ZNF680: variants seen among roughly 807,000 people sequenced by gnomAD.
The protein encoded by ZNF680 is hypothetical protein FLJ90430.
Under a neutral mutation model 12.1 loss-of-function variants are expected in ZNF680, and 6 were observed. That is an observed-to-expected ratio of 0.49 (90% CI 0.27 to 0.98). ZNF680 has a LOEUF of 0.98. Among genes scored for constraint, ZNF680 ranks in the 50% least tolerant of loss-of-function variants. ZNF680 has a pLI of 0.12. For synonymous variants in ZNF680, 170 were observed against 199.3 expected, an observed-to-expected ratio of 0.85 and a Z score of 1.24; for missense variants, 561 against 616.3, an observed-to-expected ratio of 0.91 and a Z score of 0.95.
chr7:64,534,994 G>A (rs1427873476), intron 3 of ZNF680, among the ~76,000 whole-genome samples: 1 of 150,594 alleles, frequency 6.6e-6, no homozygotes, highest in African/African-American at 2.4e-5. Flanking sequence ...AATAAACTTT[G>A]GGGACTTGGG....
the ZNF680 span, chr7:64,501,845 C>T: frequency 3.6e-6 from 2 of 552,858 alleles, no homozygotes; most frequent in Non-Finnish European, 3.4e-6. Flanking sequence ...GCTCATTGTC[C>T]TTGTCTTTCC....
intron 1 of ZNF680, among the ~76,000 whole-genome samples, chr7:64,548,023 A>C (rs1786873503): frequency 6.6e-6 from 1 of 152,174 alleles, no homozygotes. Flanking sequence ...GAATCTTAGC[A>C]GAACTGGGGC....
At chr7:64,512,373 A>G in the ZNF680 span, among the ~76,000 whole-genome samples, 3 of 150,916 alleles carry the variant, frequency 2.0e-5, no homozygotes, top group African/African-American at 7.3e-5. Context: ...AAATCGTTTG[A>G]ACCCGGGAGG....
chr7:64,525,898 A>G, intron 3 of ZNF680: 1 of 984,996 alleles, frequency 1.0e-6, no homozygotes, highest in Non-Finnish European at 1.2e-6. Context: ...TAAAAAGAAC[A>G]GGGAAAATAT....
At chr7:64,523,842 G>A (rs950417430) in intron 3 of ZNF680, among the ~76,000 whole-genome samples, 1 of 151,932 alleles carries the variant, frequency 6.6e-6, no homozygotes, top group Non-Finnish European at 1.5e-5. Context: ...GAACCCAAGA[G>A]GCGGAGCTGG....
At chr7:64,519,497 A>G (rs1791426534), downstream of ZNF680, among the ~76,000 whole-genome samples, 1 of 151,768 alleles carries the variant, frequency 6.6e-6, no homozygotes, top group Non-Finnish European at 1.5e-5. Context: ...ATCTATCCAG[A>G]GGAAAAAAAG....
chr7:64,540,028 C>T (rs1786415400), intron 3 of ZNF680, among the ~76,000 whole-genome samples: 1 of 151,932 alleles, frequency 6.6e-6, no homozygotes, highest in African/African-American at 2.4e-5. Context: ...AAAAGAAAAA[C>T]TGAAAAAATA....
the ZNF680 span, among the ~76,000 whole-genome samples, chr7:64,507,649 G>A: frequency 4.2e-4 from 63 of 151,606 alleles, no homozygotes; most frequent in Non-Finnish European, 8.5e-4. Context: ...TTACAGGTGT[G>A]AGCCATCCAT....
Position 64,522,114 on chromosome 7 carries a change from C to A in ZNF680, c.640G>T (p.Glu214Ter), listed in dbSNP as rs767606602. The A allele has an allele frequency of 1.9e-6, 3 of 1,611,164 alleles. No homozygotes were observed. The South Asian group carries it at 3.3e-5, about 18-fold the overall frequency. Residue 214 changes from glutamate to a stop codon, truncating the protein, a stop_gained, in exon 4 of 4, where the codon GAA (glutamate) becomes TAA (stop). Transcript: ENST00000309683. LOFTEE classifies it low-confidence loss of function (END_TRUNC). ...AACCAGTTAAGAACTTTGCCACATT[C>A]CTCACATTTGTAAGAATTCTCTCTA... is the stretch of plus-strand genomic sequence containing the variant. ...HTRENSYKCE[E>*]CGKVLNWFSE...
intron 3 of ZNF680, among the ~76,000 whole-genome samples, chr7:64,523,804 T>C (rs1241164972): frequency 1.3e-5 from 2 of 151,856 alleles, no homozygotes; most frequent in Non-Finnish European, 1.5e-5. Flanking sequence ...TCCCAGCTAC[T>C]TGGGAGGCTG....
chr7:64,531,886 G>C (rs751154518), intron 3 of ZNF680, among the ~76,000 whole-genome samples: 3 of 151,878 alleles, frequency 2.0e-5, no homozygotes, highest in Non-Finnish European at 4.4e-5. Context: ...CAAGAAACTA[G>C]AGAAACAAGA....
chr7:64,513,096 C>T, the ZNF680 span, among the ~76,000 whole-genome samples: 3 of 152,154 alleles, frequency 2.0e-5, no homozygotes, highest in African/African-American at 7.2e-5. Flanking sequence ...GTATGTGCCC[C>T]TAACTATGCT....
At chr7:64,558,054 A>G (rs1161774941) in intron 1 of ZNF680, among the ~76,000 whole-genome samples, 1 of 152,232 alleles carries the variant, frequency 6.6e-6, no homozygotes, top group African/African-American at 2.4e-5. Context: ...AGGATAGTGC[A>G]ATGTAGGTGG....
At chr7:64,552,041 A>G (rs1226783191) in intron 1 of ZNF680, 1 of 152,190 alleles carries the variant, frequency 6.6e-6, no homozygotes, top group Non-Finnish European at 1.5e-5. Context: ...ATTGGAATAC[A>G]TCACACTACA....
At chr7:64,512,565 T>C in the ZNF680 span, among the ~76,000 whole-genome samples, 20 of 152,068 alleles carry the variant, frequency 1.3e-4, no homozygotes, top group African/African-American at 4.8e-4. Flanking sequence ...AAATAATTTC[T>C]GGTGGCCCAA....
intron 3 of ZNF680, among the ~76,000 whole-genome samples, chr7:64,536,303 C>T (rs1367981708): frequency 1.3e-5 from 2 of 152,208 alleles, no homozygotes; most frequent in South Asian, 2.1e-4. Flanking sequence ...TATAAAGAAA[C>T]ATGTTTATTT....
chr7:64,501,997 C>CTTT, the ZNF680 span, among the ~76,000 whole-genome samples: 204 of 104,496 alleles, frequency 2.0e-3, 10 homozygotes, highest in South Asian at 0.012. Flanking sequence ...GGACGTATTT[C>CTTT]TTTTTTTTTT....
intron 3 of ZNF680, among the ~76,000 whole-genome samples, chr7:64,541,237 C>T (rs1277421230): frequency 3.9e-5 from 6 of 152,060 alleles, no homozygotes; most frequent in African/African-American, 1.2e-4. Context: ...TCAACCATAT[C>T]ATGTAAATTC....
At chr7:64,527,258 TAAAC>T (rs879770706) in intron 3 of ZNF680, among the ~76,000 whole-genome samples, 6 of 151,050 alleles carry the variant, frequency 4.0e-5, no homozygotes, top group East Asian at 2.0e-4. Flanking sequence ...AATAAATAAA[TAAAC>T]AAACAAAAAT....
Sources: allele counts gnomAD v4.1 joint callset (sites outside exome capture counted in the v4.1 genomes callset), GRCh38; gene constraint gnomAD v4.1.1; transcripts MANE v1.5; gene names NCBI Gene and HGNC (gene_info 2026-07-23, HGNC 2026-07-21).